The following NRCAM variants were observed in gnomAD, a reference collection of about 807,000 sequenced individuals.
NRCAM encodes neuronal cell adhesion molecule, also known as NgCAM-related cell adhesion molecule.
In NRCAM, 83 loss-of-function variants were observed where a neutral mutation model predicts 156.5. The ratio of observed to expected loss-of-function variants is 0.53; its 90% CI spans 0.44 to 0.64. The LOEUF (loss-of-function observed/expected upper bound fraction) is 0.64. NRCAM is among the 30% of genes least tolerant of loss of function. The pLI is 0.00. For synonymous variants in NRCAM, 538 were observed against 563.9 expected, an observed-to-expected ratio of 0.95 and a Z score of 0.65; for missense variants, 1,417 against 1,597.3, an observed-to-expected ratio of 0.89 and a Z score of 1.92.
chr7:108,333,248 C>A lies in NRCAM; in HGVS notation c.-173-20517G>T, dbSNP rs1398294605. Among the ~76,000 whole-genome samples, 4 of 152,174 alleles carry A rather than the reference C, an allele frequency of 2.6e-5. No homozygotes were observed. The East Asian group carries it at 7.7e-4, about 29-fold the overall frequency. ...CAAGTACTGAGGTAATTTTTCCTAC[C>A]TCTTTCTCATCATATATTTAAACAC... On this transcript the variant is annotated intron_variant, in intron 2 of 32. Coordinates refer to ENST00000379028, the MANE Select transcript of NRCAM (RefSeq NM_001037132.4).
At chr7:108,308,944 C>T (rs1308411415) in intron 3 of NRCAM, among the ~76,000 whole-genome samples, 1 of 152,218 alleles carries the variant, frequency 6.6e-6, no homozygotes, top group Non-Finnish European at 1.5e-5. Flanking sequence ...TATAATTTAG[C>T]CTCCCTACAG....
In NRCAM at chr7:108,184,347, G is replaced by A. The variant is rs951155815; in HGVS notation, c.2234-36C>T. ...AGCAGCCACACATGTGTAAGCTTTG[G>A]CCTTTTGCGAAGAGTGGAAAACTTT... On this transcript the variant is annotated intron_variant, in intron 21 of 32. Transcript: ENST00000379028. The A allele has an allele frequency of 3.1e-6, 5 of 1,613,250 alleles. No individual in the cohort carries two copies. The African/African-American group carries it at 6.7e-5, about 22-fold the overall frequency.
At chr7:108,304,614 G>GT (rs2098688258) in intron 3 of NRCAM, among the ~76,000 whole-genome samples, 1 of 151,978 alleles carries the variant, frequency 6.6e-6, no homozygotes. Flanking sequence ...TATCTTATTT[G>GT]TACCAATGAG....
chr7:108,240,914 T>G (rs1264005343), intron 3 of NRCAM, among the ~76,000 whole-genome samples: 2 of 152,214 alleles, frequency 1.3e-5, no homozygotes, highest in African/African-American at 4.8e-5. Context: ...TTTGGTTTGA[T>G]GATGCATTTC....
intron 2 of NRCAM, among the ~76,000 whole-genome samples, chr7:108,346,847 A>G (rs2099358698): frequency 6.6e-6 from 1 of 152,026 alleles, no homozygotes. Flanking sequence ...TTGAAGATTT[A>G]GTAGGAAAAA....
At chr7:108,268,905 T>G (rs2097223227) in intron 3 of NRCAM, among the ~76,000 whole-genome samples, 1 of 152,234 alleles carries the variant, frequency 6.6e-6, no homozygotes. Context: ...GCTCTCCTGC[T>G]TTACAAATAT....
At chr7:108,326,637 G>A (rs1251231148) in intron 2 of NRCAM, among the ~76,000 whole-genome samples, 3 of 152,316 alleles carry the variant, frequency 2.0e-5, no homozygotes, top group African/African-American at 7.2e-5. Flanking sequence ...GAAGGAAGAC[G>A]TGGCAAGTGA....
chr7:108,257,879 G>T (rs1034670786), intron 3 of NRCAM, among the ~76,000 whole-genome samples: 12 of 152,016 alleles, frequency 7.9e-5, no homozygotes, highest in African/African-American at 2.7e-4. Context: ...AAGCGTCTCA[G>T]ATGAGAGCGT....
At chr7:108,302,154 C>T (rs555943602) in intron 3 of NRCAM, among the ~76,000 whole-genome samples, 1 of 152,004 alleles carries the variant, frequency 6.6e-6, no homozygotes, top group African/African-American at 2.4e-5. Flanking sequence ...ACATATTGTT[C>T]CGTGTTATTG....
Position 108,148,692 on chromosome 7 carries a change from AG to A in NRCAM, c.*1217del, listed in dbSNP as rs2039902395. ...GCTGCAGAGTTTTGAACACTTACATAGGTAAAGTCTTGGAGAATAATATATT... is the reference window on the plus strand; with the variant it reads ...GCTGCAGAGTTTTGAACACTTACATAGTAAAGTCTTGGAGAATAATATATT... On this transcript the variant is annotated 3_prime_UTR_variant, in exon 33 of 33. Coordinates refer to ENST00000379028, the MANE Select transcript of NRCAM (RefSeq NM_001037132.4). The A allele has an allele frequency of 6.6e-6, 1 of 152,642 alleles. No homozygotes were observed. The highest frequency in any genetic ancestry group is 2.4e-5 in the African/African-American group (1 of 41,460). 9.5% of individuals were successfully genotyped at this position (152,642 alleles called of 1,614,324 possible). A position where few individuals can be genotyped will look rare whatever the true frequency, so the allele number is the denominator to read the frequency against.
Position 108,176,545 on chromosome 7 carries a change from C to T in NRCAM, c.3036G>A (p.Arg1012=). 1 of 1,613,682 alleles carries T rather than the reference C, an allele frequency of 6.2e-7. No individual in the cohort carries two copies. The highest frequency in any genetic ancestry group is 2.2e-5 in the East Asian group (1 of 44,816). ...TGAAATTTAAATTTTTTAAAGTCCA[C>T]CGTGTCTTGTTGGCAGGAATTTTCA... ...VDLKIPANKT[R]WTLKNLNFST... The change falls in exon 27 of 33, where the codon CGG becomes CGA. Residue 1012 remains arginine, a synonymous_variant. Transcript: ENST00000379028.
chr7:108,435,355 T>G (rs1424885411), intron 1 of NRCAM, among the ~76,000 whole-genome samples: 4 of 151,990 alleles, frequency 2.6e-5, no homozygotes, highest in African/African-American at 7.3e-5. Flanking sequence ...TTATCTAATT[T>G]GAAAAACACA....
At chr7:108,450,617 A>G (rs1275951974) in intron 1 of NRCAM, among the ~76,000 whole-genome samples, 1 of 152,044 alleles carries the variant, frequency 6.6e-6, no homozygotes, top group Non-Finnish European at 1.5e-5. Flanking sequence ...TTGGCAGTAA[A>G]AAAAGCATAT....
chr7:108,210,451 T>C (rs902764615), intron 11 of NRCAM, among the ~76,000 whole-genome samples: 2 of 152,192 alleles, frequency 1.3e-5, no homozygotes, highest in Admixed American at 1.3e-4. Context: ...TTTCATTGTT[T>C]TAGTCAGTAT....
chr7:108,266,825 G>C (rs1236670354), intron 3 of NRCAM, among the ~76,000 whole-genome samples: 1 of 152,084 alleles, frequency 6.6e-6, no homozygotes, highest in African/African-American at 2.4e-5. Flanking sequence ...GAGGACAAAG[G>C]AAAAAGAAAG....
intron 1 of NRCAM, among the ~76,000 whole-genome samples, chr7:108,439,653 G>C (rs1190999557): frequency 6.6e-6 from 1 of 151,990 alleles, no homozygotes; most frequent in Non-Finnish European, 1.5e-5. Flanking sequence ...TCAGGAGTTT[G>C]AGACCAGCCT....
intron 3 of NRCAM, among the ~76,000 whole-genome samples, chr7:108,253,786 G>A (rs2096491928): frequency 6.6e-6 from 1 of 152,178 alleles, no homozygotes; most frequent in Non-Finnish European, 1.5e-5. Context: ...CTGAGACTGG[G>A]AGTGGTCAGA....
In NRCAM at chr7:108,437,159, C is replaced by A. The variant is rs10255447; in HGVS notation, c.-332+19084G>T. ...AGGTCATTATGTTAAGTGAAATCAG[C>A]CAGGCGCAGAAAGGCAAACATCACA... is the stretch of plus-strand genomic sequence containing the variant. On this transcript the variant is annotated intron_variant, in intron 1 of 32. Coordinates refer to ENST00000379028, the MANE Select transcript of NRCAM (RefSeq NM_001037132.4). Among the ~76,000 whole-genome samples the A allele has an allele frequency of 4.7e-3, 716 of 152,174 alleles. 7 individuals are homozygous for A. The highest frequency in any genetic ancestry group is 0.016 in the African/African-American group (673 of 41,522).
At chr7:108,369,382 A>G (rs1003710758) in intron 2 of NRCAM, among the ~76,000 whole-genome samples, 1 of 152,096 alleles carries the variant, frequency 6.6e-6, no homozygotes, top group Non-Finnish European at 1.5e-5. Context: ...TTGAAAATTT[A>G]AAAAGTAACT....
Sources: allele counts gnomAD v4.1 joint callset (sites outside exome capture counted in the v4.1 genomes callset), GRCh38; gene constraint gnomAD v4.1.1; transcripts MANE v1.5; gene names NCBI Gene and HGNC (gene_info 2026-07-23, HGNC 2026-07-21).